Variants in PHYH observed in about 807,000 individuals in gnomAD.
PHYH encodes the protein phytanoyl-CoA dioxygenase, peroxisomal.
In PHYH, 32 loss-of-function variants were observed where a neutral mutation model predicts 38.5. That is an observed-to-expected ratio of 0.83 (90% CI 0.63 to 1.12). The LOEUF (loss-of-function observed/expected upper bound fraction) is 1.12. Among genes scored for constraint, PHYH ranks in the 50% most tolerant of loss-of-function variants. The pLI is 0.00. For missense variants in PHYH, 426 were observed against 434.8 expected (o/e 0.98, Z 0.18); for synonymous variants, 166 against 157.9 (o/e 1.05, Z -0.38).
At chr10:13,291,064 A>G (rs1588513222) in intron 5 of PHYH, among the ~76,000 whole-genome samples, 1 of 137,104 alleles carries the variant, frequency 7.3e-6, no homozygotes, top group Middle Eastern at 4.6e-3. Flanking sequence ...AGATCGCGCT[A>G]TCGCACTCCA....
chr10:13,294,277 G>T (rs1835783111), intron 4 of PHYH, 151 bp downstream of exon 4: 1 of 708,488 alleles, frequency 1.4e-6, no homozygotes. Context: ...TAAGAGCAGT[G>T]GTTCCTGGGA....
chr10:13,286,874 G>A (rs1835564468), intron 6 of PHYH, among the ~76,000 whole-genome samples: 1 of 152,292 alleles, frequency 6.6e-6, no homozygotes, highest in African/African-American at 2.4e-5. Flanking sequence ...ACAGAAAGCA[G>A]CTCAGTGGTT....
At chr10:13,289,590 A>G (rs901856182) in intron 5 of PHYH, among the ~76,000 whole-genome samples, 1 of 152,110 alleles carries the variant, frequency 6.6e-6, no homozygotes, top group African/African-American at 2.4e-5. Flanking sequence ...CATTGAAGAG[A>G]GTGATATGGA....
intron 2 of PHYH, among the ~76,000 whole-genome samples, chr10:13,297,034 A>G (rs898171925): frequency 1.3e-5 from 2 of 151,880 alleles, no homozygotes; most frequent in African/African-American, 4.8e-5. Flanking sequence ...TATTATTACA[A>G]TTATGTAAAA....
Position 13,299,558 on chromosome 10 carries a change from C to T in PHYH, c.75+410G>A, listed in dbSNP as rs542458478. 2.5e-5 allele frequency: 25 copies of T among 1,016,866 alleles called. No homozygotes were observed. The East Asian group carries it at 1.5e-3, about 61-fold the overall frequency. The allele number at this position is 1,016,866 out of a possible 1,614,324, so 63.0% of individuals were successfully genotyped here. A position where few individuals can be genotyped will look rare whatever the true frequency, so the allele number is the denominator to read the frequency against. On this transcript the variant is annotated intron_variant, in intron 1 of 8. Coordinates refer to ENST00000263038, the MANE Select transcript of PHYH (RefSeq NM_006214.4). ...CGTCCTCTCCCCTCCGGAGAGGTCC[C>T]GGTCACTGCCTGCCTGGGCCGGTTC... is the stretch of plus-strand genomic sequence containing the variant.
At chr10:13,294,838 C>T in intron 3 of PHYH, 1 of 523,270 alleles carries the variant, frequency 1.9e-6, no homozygotes, top group South Asian at 2.0e-5. Context: ...AATTTGGTTA[C>T]ATTGTAATAA....
At chr10:13,284,194 C>T (rs1564421621) in intron 6 of PHYH, among the ~76,000 whole-genome samples, 1 of 151,978 alleles carries the variant, frequency 6.6e-6, no homozygotes, top group Non-Finnish European at 1.5e-5. Flanking sequence ...GTGGTGGTGC[C>T]AGCCTGTGGT....
intron 3 of PHYH, chr10:13,294,952 A>T (rs11258312): frequency 4.2e-5 from 15 of 353,996 alleles, no homozygotes; most frequent in Admixed American, 1.3e-4. Context: ...ACACTAGGAC[A>T]TAAGTGCTAT....
At chr10:13,283,959 A>C in intron 6 of PHYH, 120 bp from the exon 7 acceptor site, 1 of 900,412 alleles carries the variant, frequency 1.1e-6, no homozygotes, top group Non-Finnish European at 1.9e-6. Context: ...TCCCAAGAGA[A>C]ATAAATGTCT....
At chr10:13,287,838 G>A (rs760673014) in intron 6 of PHYH, among the ~76,000 whole-genome samples, 25 of 152,052 alleles carry the variant, frequency 1.6e-4, no homozygotes, top group Admixed American at 3.9e-4. Context: ...TTACAATCTC[G>A]GATCCTATAC....
intron 2 of PHYH, among the ~76,000 whole-genome samples, chr10:13,296,084 C>G (rs530316838): frequency 3.9e-5 from 6 of 151,978 alleles, no homozygotes; most frequent in Non-Finnish European, 8.8e-5. Context: ...AGGAAAATCG[C>G]TTGAACTTGG....
At chr10:13,289,043 C>T (rs914745513) in intron 5 of PHYH, among the ~76,000 whole-genome samples, 2 of 151,876 alleles carry the variant, frequency 1.3e-5, no homozygotes, top group African/African-American at 4.8e-5. Context: ...AAATCAGCCC[C>T]GGAGAGATAA....
chr10:13,293,913 T>C (rs557011697), intron 4 of PHYH, among the ~76,000 whole-genome samples: 9 of 152,140 alleles, frequency 5.9e-5, no homozygotes, highest in Non-Finnish European at 1.2e-4. Context: ...TTCAGAAATG[T>C]AGGACACTGG....
chr10:13,296,264 G>A (rs566927042), intron 2 of PHYH, among the ~76,000 whole-genome samples: 18 of 61,240 alleles, frequency 2.9e-4, no homozygotes, highest in African/African-American at 6.6e-4. Context: ...GAAAACTTAC[G>A]CTTTATGTCA....
Position 13,281,066 on chromosome 10 carries a change from G to A in PHYH, c.873C>T (p.Asp291=), listed in dbSNP as rs151301072. ...TGTTTTCTTGACTGGTGCCCTTCAC[G>A]TCAATGTAGTGGCAATCGGCACTGG... ...HFASADCHYI[D]VKGTSQENIE... is the part of the protein sequence containing the mutation. The change falls in exon 8 of 9, where the codon GAC becomes GAT. Residue 291 remains aspartate, a synonymous_variant. Coordinates refer to ENST00000263038, the MANE Select transcript of PHYH (RefSeq NM_006214.4). 6.8e-5 allele frequency: 109 copies of A among 1,613,900 alleles called. No individual in the cohort carries two copies. The African/African-American group carries it at 1.0e-3, about 15-fold the overall frequency.
chr10:13,292,848 A>T (rs995103747), intron 4 of PHYH, among the ~76,000 whole-genome samples: 2 of 150,938 alleles, frequency 1.3e-5, no homozygotes, highest in Non-Finnish European at 2.9e-5. Flanking sequence ...CAGGAGAATC[A>T]CTTGAACCCA....
intron 1 of PHYH, among the ~76,000 whole-genome samples, chr10:13,298,780 C>CTGCTACTACTACTAA (rs1564430848): frequency 8.5e-5 from 12 of 140,962 alleles, no homozygotes; most frequent in African/African-American, 2.8e-4. Flanking sequence ...ACTACTACTA[C>CTGCTACTACTACTAA]TAATAATAAT....
At chr10:13,299,802 C>T (rs1832699297) in intron 1 of PHYH, 166 bp downstream of exon 1, 2 of 1,314,356 alleles carry the variant, frequency 1.5e-6, no homozygotes, top group African/African-American at 1.6e-5. Context: ...CCCCGCTCCC[C>T]GGCTCCTGGA....
chr10:13,278,420 T>C, intron 8 of PHYH, 66 bp from the exon 9 acceptor site: 1 of 1,032,816 alleles, frequency 9.7e-7, no homozygotes, highest in Non-Finnish European at 1.5e-6. Context: ...TAACCTTCAA[T>C]TTCACCATAA....
Sources: gnomAD v4.1 joint callset for allele counts (sites outside exome capture counted in the v4.1 genomes callset) on GRCh38, gnomAD v4.1.1 for gene constraint, MANE v1.5 for transcripts, NCBI Gene and HGNC (gene_info 2026-07-23, HGNC 2026-07-21) for gene names.